TSHZ2: variants seen among roughly 807,000 people sequenced by gnomAD.
TSHZ2 encodes the protein teashirt homolog 2.
A neutral mutation model predicts 74.4 loss-of-function variants in TSHZ2; 21 were observed. The ratio of observed to expected loss-of-function variants is 0.28; its 90% CI spans 0.20 to 0.41. The LOEUF is 0.41. Ranked by LOEUF, TSHZ2 falls within the 10% of genes least tolerant of loss-of-function variation. TSHZ2 has a pLI of 1.00. For synonymous variants in TSHZ2, 540 were observed against 515.3 expected (o/e 1.05, Z -0.65); for missense variants, 1,244 against 1,293.5 (o/e 0.96, Z 0.59).
intron 2 of TSHZ2, among the ~76,000 whole-genome samples, chr20:53,454,574 A>G (rs1984970670): frequency 6.6e-6 from 1 of 152,030 alleles, no homozygotes; most frequent in Admixed American, 6.6e-5. Flanking sequence ...AAAAAAAAAA[A>G]AAGTCTTTAA....
intron 1 of TSHZ2, among the ~76,000 whole-genome samples, chr20:53,029,803 A>G (rs1408703589): frequency 6.6e-6 from 1 of 152,158 alleles, no homozygotes; most frequent in African/African-American, 2.4e-5. Context: ...GTTTTATAAA[A>G]CTCAAAGTGG....
chr20:53,055,690 C>A (rs1255309345), intron 1 of TSHZ2, among the ~76,000 whole-genome samples: 1 of 152,134 alleles, frequency 6.6e-6, no homozygotes, highest in African/African-American at 2.4e-5. Context: ...GAGGTCTCAA[C>A]TGACATGTTA....
chr20:53,166,924 A>G (rs953183105), intron 1 of TSHZ2, among the ~76,000 whole-genome samples: 1 of 152,230 alleles, frequency 6.6e-6, no homozygotes, highest in Non-Finnish European at 1.5e-5. Flanking sequence ...ATTATATTAA[A>G]AAAACCTGAT....
At chr20:53,065,695 C>A (rs1163935032) in intron 1 of TSHZ2, among the ~76,000 whole-genome samples, 1 of 152,202 alleles carries the variant, frequency 6.6e-6, no homozygotes, top group Admixed American at 6.5e-5. Context: ...CAGGACCCTA[C>A]CTTCCTCCCA....
chr20:53,372,064 G>A (rs1009663866), intron 2 of TSHZ2, among the ~76,000 whole-genome samples: 1 of 151,968 alleles, frequency 6.6e-6, no homozygotes, highest in Non-Finnish European at 1.5e-5. Flanking sequence ...TTGAATTAGG[G>A]CCCACCCTAA....
chr20:53,427,079 G>T (rs763638172), intron 2 of TSHZ2, among the ~76,000 whole-genome samples: 1 of 152,180 alleles, frequency 6.6e-6, no homozygotes. Flanking sequence ...CTGGAGCGCC[G>T]TGAAGCTCGC....
At chr20:53,438,988 G>A (rs1204763843) in intron 2 of TSHZ2, among the ~76,000 whole-genome samples, 5 of 152,210 alleles carry the variant, frequency 3.3e-5, no homozygotes, top group Non-Finnish European at 7.4e-5. Context: ...TAGGGCTGTC[G>A]CCTGAAGGAA....
intron 2 of TSHZ2, among the ~76,000 whole-genome samples, chr20:53,472,641 G>C (rs540921587): frequency 5.8e-4 from 88 of 152,038 alleles, no homozygotes; most frequent in Admixed American, 9.8e-4. Context: ...AGCTCCTCAG[G>C]GGGGAGGGAG....
intron 2 of TSHZ2, among the ~76,000 whole-genome samples, chr20:53,316,833 C>T (rs1410544174): frequency 1.3e-5 from 2 of 152,174 alleles, no homozygotes; most frequent in African/African-American, 4.8e-5. Context: ...TTGCCAATCC[C>T]TGCTTTTTTG....
At chr20:53,016,258 TC>T (rs1983036160) in intron 1 of TSHZ2, among the ~76,000 whole-genome samples, 1 of 151,978 alleles carries the variant, frequency 6.6e-6, no homozygotes, top group Non-Finnish European at 1.5e-5. Context: ...CCTCCTCCCT[TC>T]CCCTCCCCAC....
At chr20:53,340,331 G>A (rs1053204096) in intron 2 of TSHZ2, among the ~76,000 whole-genome samples, 11 of 151,652 alleles carry the variant, frequency 7.3e-5, no homozygotes, top group African/African-American at 2.7e-4. Context: ...ACAGGCGCCC[G>A]CCACCATGCC....
At chr20:53,365,178 T>C (rs1426019057) in intron 2 of TSHZ2, among the ~76,000 whole-genome samples, 3 of 152,250 alleles carry the variant, frequency 2.0e-5, no homozygotes, top group African/African-American at 7.2e-5. Flanking sequence ...AGCCAAGATC[T>C]GAGAATGAAG....
intron 2 of TSHZ2, among the ~76,000 whole-genome samples, chr20:53,276,356 G>C (rs1990946406): frequency 6.6e-6 from 1 of 152,026 alleles, no homozygotes; most frequent in South Asian, 2.1e-4. Context: ...TGTCATTCCA[G>C]GACAGTGTGT....
chr20:53,067,773 T>C, intron 1 of TSHZ2, among the ~76,000 whole-genome samples: 1 of 152,226 alleles, frequency 6.6e-6, no homozygotes, highest in Non-Finnish European at 1.5e-5. Flanking sequence ...TGTGGTTCTC[T>C]GGGTGTGTTA....
At chr20:53,140,148 C>A (rs377513050) in intron 1 of TSHZ2, among the ~76,000 whole-genome samples, 13 of 150,250 alleles carry the variant, frequency 8.7e-5, no homozygotes, top group East Asian at 5.8e-4. Flanking sequence ...GGGAGAAAGA[C>A]AAAAAGAAGA....
chr20:53,343,980 TCTCACAG>T (rs1264767592), intron 2 of TSHZ2, among the ~76,000 whole-genome samples: 1 of 152,204 alleles, frequency 6.6e-6, no homozygotes, highest in African/African-American at 2.4e-5. Context: ...CACTCCAGAA[TCTCACAG>T]CTCTGGAGTA....
intron 2 of TSHZ2, among the ~76,000 whole-genome samples, chr20:53,351,223 T>C (rs1478123652): frequency 6.6e-6 from 1 of 152,220 alleles, no homozygotes; most frequent in Non-Finnish European, 1.5e-5. Flanking sequence ...TTTTCCCTTA[T>C]TGAGTGAATA....
At chr20:53,017,667 C>T (rs1983090188) in intron 1 of TSHZ2, among the ~76,000 whole-genome samples, 1 of 152,118 alleles carries the variant, frequency 6.6e-6, no homozygotes, top group Admixed American at 6.5e-5. Flanking sequence ...CATAAACAAT[C>T]CATCAAACAG....
At chr20:53,304,939 T>C (rs1978463823) in intron 2 of TSHZ2, among the ~76,000 whole-genome samples, 2 of 113,770 alleles carry the variant, frequency 1.8e-5, no homozygotes, top group Admixed American at 8.9e-5. Context: ...CTTAATGAAC[T>C]TTTTTTTTTT....
Sources: allele counts gnomAD v4.1 joint callset (sites outside exome capture counted in the v4.1 genomes callset), GRCh38; gene constraint gnomAD v4.1.1; transcripts MANE v1.5; gene names NCBI Gene and HGNC (gene_info 2026-07-23, HGNC 2026-07-21).